The following ACSF3 variants were observed in gnomAD, a reference collection of about 807,000 sequenced individuals.
The protein encoded by ACSF3 is acyl-CoA synthetase family member 3.
Under a neutral mutation model 53.2 loss-of-function variants are expected in ACSF3, and 78 were observed. That is an observed-to-expected ratio of 1.47 (90% confidence interval 1.22 to 1.77). The LOEUF is 1.77. ACSF3 is among the 40% of genes most tolerant of loss of function. The pLI is 0.00. For missense variants in ACSF3, 937 were observed against 771.1 expected, an observed-to-expected ratio of 1.22 and a Z score of -2.55; for synonymous variants, 414 against 333.1, an observed-to-expected ratio of 1.24 and a Z score of -2.65.
intron 8 of ACSF3, among the ~76,000 whole-genome samples, chr16:89,139,106 A>G (rs1911214211): frequency 6.6e-6 from 1 of 152,148 alleles, no homozygotes; most frequent in African/African-American, 2.4e-5. Context: ...CCCGTATGGC[A>G]TCTGCACTAT....
intron 7 of ACSF3, chr16:89,122,388 C>T (rs1489924507): frequency 2.2e-6 from 1 of 451,244 alleles, no homozygotes; most frequent in African/African-American, 2.0e-5. Flanking sequence ...CCAGCCCATG[C>T]TGTTGTCCTG....
chr16:89,139,453 C>T (rs1002387572), intron 8 of ACSF3, among the ~76,000 whole-genome samples: 8 of 152,242 alleles, frequency 5.3e-5, no homozygotes, highest in African/African-American at 1.9e-4. Context: ...GTTCTGCCCT[C>T]AGCCTTGCTT....
intron 3 of ACSF3, among the ~76,000 whole-genome samples, chr16:89,102,021 T>C (rs4782459): frequency 0.99 from 151,332 of 152,314 alleles, 75,181 homozygotes; most frequent in Middle Eastern, 1. Context: ...GGGAGTGACA[T>C]GCACATGTGC....
rs774756903 is a variant in ACSF3 at position 89,120,787 on chromosome 16, C to A, written c.1127-14C>A. 8 of 1,612,432 alleles carry A rather than the reference C, an allele frequency of 5.0e-6. No individual in the cohort carries two copies. The highest frequency in any genetic ancestry group is 1.3e-5 in the African/African-American group (1 of 74,912). On this transcript the variant is annotated splice_polypyrimidine_tract_variant and intron_variant, in intron 6 of 10. Transcript: ENST00000614302. ...CACTCCAGCCTCCCCTTCAGTGTTTCTCCTCTCCTGTAGGTTCCGTGGGGA... is the reference window on the plus strand; with the variant it reads ...CACTCCAGCCTCCCCTTCAGTGTTTATCCTCTCCTGTAGGTTCCGTGGGGA...
At chr16:89,151,611 ATTT>A (rs756846678) in intron 10 of ACSF3, 19 of 68,504 alleles carry the variant, frequency 2.8e-4, no homozygotes, top group East Asian at 7.2e-4. Flanking sequence ...TTCACCATAT[ATTT>A]TTTTTTTTTT....
At chr16:89,146,208 G>C (rs1311763406) in intron 10 of ACSF3, among the ~76,000 whole-genome samples, 159 bp downstream of exon 10, 1 of 152,206 alleles carries the variant, frequency 6.6e-6, no homozygotes, top group African/African-American at 2.4e-5. Flanking sequence ...GCCGCACACA[G>C]CAGGTAGAGA....
At chr16:89,129,674 C>A (rs1038550334) in intron 7 of ACSF3, among the ~76,000 whole-genome samples, 1 of 152,080 alleles carries the variant, frequency 6.6e-6, no homozygotes, top group African/African-American at 2.4e-5. Context: ...CTATTGTTCC[C>A]TGAGAGTTTT....
At chr16:89,111,854 C>G (rs1021878679) in intron 4 of ACSF3, among the ~76,000 whole-genome samples, 1 of 152,196 alleles carries the variant, frequency 6.6e-6, no homozygotes, top group South Asian at 2.1e-4. Context: ...CCACAGATCC[C>G]GAAGCCCTTT....
At chr16:89,097,391 C>T (rs897714840) in intron 1 of ACSF3, among the ~76,000 whole-genome samples, 2 of 152,262 alleles carry the variant, frequency 1.3e-5, no homozygotes, top group Admixed American at 6.5e-5. Flanking sequence ...TCCTAGTGCT[C>T]CGCTCCTTAG....
At chr16:89,152,432 A>T (rs1914201571) in intron 10 of ACSF3, 1 of 152,108 alleles carries the variant, frequency 6.6e-6, no homozygotes, top group African/African-American at 2.4e-5. Flanking sequence ...ACATGGTGAA[A>T]CCCCGTCTCT....
chr16:89,114,314 AC>A, intron 5 of ACSF3, 24 bp from the exon 6 acceptor site: 1 of 1,613,628 alleles, frequency 6.2e-7, no homozygotes, highest in African/African-American at 1.3e-5. Flanking sequence ...AAGGGGCTAA[AC>A]CTGCCTTTGG....
intron 10 of ACSF3, chr16:89,150,077 G>T: frequency 6.6e-6 from 1 of 152,508 alleles, no homozygotes; most frequent in South Asian, 2.1e-4. Context: ...CAGAAGGGGA[G>T]GCAGGCATGT....
At chr16:89,129,765 TG>T (rs1348679926) in intron 7 of ACSF3, among the ~76,000 whole-genome samples, 2 of 152,248 alleles carry the variant, frequency 1.3e-5, no homozygotes, top group Admixed American at 6.5e-5. Flanking sequence ...TGACCATAAA[TG>T]TCTTTGCATA....
chr16:89,109,854 C>T (rs540073763), intron 4 of ACSF3, among the ~76,000 whole-genome samples: 12 of 152,296 alleles, frequency 7.9e-5, no homozygotes, highest in East Asian at 3.9e-4. Flanking sequence ...CCCAAAGTGC[C>T]GGGATTACGG....
chr16:89,102,535 G>C, intron 3 of ACSF3, 69 bp from the exon 4 acceptor site: 1 of 1,586,364 alleles, frequency 6.3e-7, no homozygotes, highest in Non-Finnish European at 8.6e-7. Context: ...CCGTGAGCCC[G>C]AGGTCTGTGT....
intron 6 of ACSF3, among the ~76,000 whole-genome samples, chr16:89,118,321 C>G (rs1178520635): frequency 1.3e-5 from 2 of 149,670 alleles, no homozygotes; most frequent in Non-Finnish European, 3.0e-5. Flanking sequence ...AGTGTGAGTT[C>G]TTTGGTTTGG....
chr16:89,102,313 G>C, intron 3 of ACSF3: 2 of 468,092 alleles, frequency 4.3e-6, no homozygotes, highest in Non-Finnish European at 7.9e-6. Context: ...GCGGAGCTCT[G>C]TCGACCTGGT....
At position 89,154,322 on chromosome 16, in the gene ACSF3, A is replaced by G; in HGVS notation, c.*115A>G. 1.0e-6 allele frequency: 1 copy of G among 954,068 alleles called. No individual in the cohort carries two copies. Among genetic ancestry groups the G allele is most frequent in the Non-Finnish European group, 1.6e-6 (1 of 609,950 alleles). 59.1% of individuals were successfully genotyped at this position (954,068 alleles called of 1,614,324 possible). Reference sequence around the variant, plus strand: ...CCCTTAAACCTGAACCCCCCAAATCAGGTCACGTAGAATCAAGAACTGTTT... The same window carrying G: ...CCCTTAAACCTGAACCCCCCAAATCGGGTCACGTAGAATCAAGAACTGTTT... On this transcript the variant is annotated 3_prime_UTR_variant, in exon 11 of 11. Transcript: ENST00000614302.
At chr16:89,148,394 C>G (rs1913505847) in intron 10 of ACSF3, 1 of 152,118 alleles carries the variant, frequency 6.6e-6, no homozygotes, top group Non-Finnish European at 1.5e-5. Context: ...GCAACCCCAC[C>G]CAGCCCAATA....
Sources: allele counts gnomAD v4.1 joint callset (sites outside exome capture counted in the v4.1 genomes callset), GRCh38; gene constraint gnomAD v4.1.1; transcripts MANE v1.5; gene names NCBI Gene and HGNC (gene_info 2026-07-23, HGNC 2026-07-21).